KHDRBS2: variants seen among roughly 807,000 people sequenced by gnomAD.
The protein encoded by KHDRBS2 is KH domain-containing, RNA-binding, signal transduction-associated protein 2.
A neutral mutation model predicts 44.3 loss-of-function variants in KHDRBS2; 26 were observed. The observed-to-expected ratio is 0.59, with a 90% CI of 0.43 to 0.81. KHDRBS2 has a LOEUF of 0.81. Ranked by LOEUF, KHDRBS2 falls within the 40% of genes least tolerant of loss-of-function variation. The pLI is 0.00. For synonymous variants in KHDRBS2, 194 were observed against 151.1 expected, an observed-to-expected ratio of 1.28 and a Z score of -2.08; for missense variants, 476 against 433.1, an observed-to-expected ratio of 1.10 and a Z score of -0.88.
At chr6:61,793,105 G>A (rs1265593521) in intron 6 of KHDRBS2, among the ~76,000 whole-genome samples, 1 of 151,936 alleles carries the variant, frequency 6.6e-6, no homozygotes, top group Admixed American at 6.6e-5. Context: ...ATGCCTACAA[G>A]GGAACTTGCT....
At chr6:61,873,519 G>C (rs1798961449) in intron 6 of KHDRBS2, among the ~76,000 whole-genome samples, 1 of 151,752 alleles carries the variant, frequency 6.6e-6, no homozygotes, top group East Asian at 1.9e-4. Flanking sequence ...AGGTAATTTA[G>C]TATATCTGCC....
intron 8 of KHDRBS2, among the ~76,000 whole-genome samples, chr6:61,695,912 C>T (rs775987619): frequency 2.6e-5 from 4 of 152,170 alleles, no homozygotes; most frequent in Admixed American, 6.5e-5. Context: ...ACAGCAATAA[C>T]CATTGTTTCC....
At chr6:62,053,339 C>CTTGG (rs1789505271) in intron 2 of KHDRBS2, among the ~76,000 whole-genome samples, 1 of 150,688 alleles carries the variant, frequency 6.6e-6, no homozygotes, top group Non-Finnish European at 1.5e-5. Context: ...ATGCATAGAC[C>CTTGG]AAAGCCACTC....
chr6:62,165,747 T>C (rs1437277983), intron 2 of KHDRBS2, among the ~76,000 whole-genome samples: 2 of 151,898 alleles, frequency 1.3e-5, no homozygotes, highest in Non-Finnish European at 2.9e-5. Flanking sequence ...ATTACCTAGG[T>C]TGGACTTGAA....
At chr6:62,069,660 T>C (rs979970652) in intron 2 of KHDRBS2, among the ~76,000 whole-genome samples, 1 of 151,756 alleles carries the variant, frequency 6.6e-6, no homozygotes, top group Non-Finnish European at 1.5e-5. Flanking sequence ...CAAAGATGAT[T>C]AACATTATAC....
At chr6:61,594,074 A>G in the KHDRBS2 span, among the ~76,000 whole-genome samples, 1 of 152,114 alleles carries the variant, frequency 6.6e-6, no homozygotes, top group African/African-American at 2.4e-5. Flanking sequence ...AATAAGAATA[A>G]TCCCAAACAA....
intron 2 of KHDRBS2, among the ~76,000 whole-genome samples, chr6:62,085,975 G>C (rs761090271): frequency 1.3e-5 from 2 of 152,150 alleles, no homozygotes; most frequent in African/African-American, 2.4e-5. Context: ...TGGCTGAAGG[G>C]CTTCTGAAGA....
intron 2 of KHDRBS2, among the ~76,000 whole-genome samples, chr6:62,074,433 G>GT (rs1795924884): frequency 6.6e-6 from 1 of 151,680 alleles, no homozygotes; most frequent in African/African-American, 2.4e-5. Flanking sequence ...CATCTTCTTG[G>GT]TTTTGATGGC....
At chr6:61,895,100 T>C (rs1802707987) in intron 5 of KHDRBS2, among the ~76,000 whole-genome samples, 1 of 148,784 alleles carries the variant, frequency 6.7e-6, no homozygotes, top group African/African-American at 2.5e-5. Flanking sequence ...TTGTCTTTTA[T>C]ATAACTAAAA....
At chr6:61,807,466 A>G (rs1191877399) in intron 6 of KHDRBS2, among the ~76,000 whole-genome samples, 1 of 152,190 alleles carries the variant, frequency 6.6e-6, no homozygotes, top group African/African-American at 2.4e-5. Flanking sequence ...TGGTACATAT[A>G]CATCATGGAA....
rs561160298 is a variant in KHDRBS2, at chr6:62,019,933, G to A, written c.336+27945C>T. On this transcript the variant is annotated intron_variant, in intron 3 of 8. Coordinates refer to ENST00000281156, the MANE Select transcript of KHDRBS2 (RefSeq NM_152688.4). ...TTTGTATTTTATTTATGTTCAATCT[G>A]ATCTTTATTATTTCTTTTCTTTTCT... Among the ~76,000 whole-genome samples the A allele has an allele frequency of 3.3e-5, 5 of 151,280 alleles. 1 individual carries two copies. In the South Asian group the frequency reaches 1.0e-3, roughly 32 times the overall value.
the KHDRBS2 span, among the ~76,000 whole-genome samples, chr6:61,672,755 C>T: frequency 6.6e-6 from 1 of 150,942 alleles, no homozygotes; most frequent in Non-Finnish European, 1.5e-5. Context: ...AGCCCTTTGT[C>T]AGATGAGTAG....
the KHDRBS2 span, among the ~76,000 whole-genome samples, chr6:61,655,099 GC>G: frequency 6.6e-6 from 1 of 151,650 alleles, no homozygotes; most frequent in Non-Finnish European, 1.5e-5. Context: ...AGGCAAACAT[GC>G]CCAGAAACAA....
At chr6:61,820,811 TTA>T (rs1221926142) in intron 6 of KHDRBS2, among the ~76,000 whole-genome samples, 47 of 152,178 alleles carry the variant, frequency 3.1e-4, no homozygotes, top group Admixed American at 1.4e-3. Flanking sequence ...AAACTATTTA[TTA>T]GGTCTGTGGT....
At chr6:61,803,452 G>A (rs910325554) in intron 6 of KHDRBS2, among the ~76,000 whole-genome samples, 10 of 152,138 alleles carry the variant, frequency 6.6e-5, no homozygotes, top group Non-Finnish European at 1.2e-4. Context: ...ATACTTTCAA[G>A]CTTCATAATA....
chr6:61,609,305 C>A, the KHDRBS2 span, among the ~76,000 whole-genome samples: 1 of 152,144 alleles, frequency 6.6e-6, no homozygotes, highest in Non-Finnish European at 1.5e-5. Flanking sequence ...TTGCAGTGAG[C>A]CGAGATTGCG....
chr6:62,274,753 C>T (rs1159054843), intron 1 of KHDRBS2, among the ~76,000 whole-genome samples: 1 of 152,070 alleles, frequency 6.6e-6, no homozygotes, highest in Non-Finnish European at 1.5e-5. Context: ...GCATCATCTA[C>T]TTCTCTTATC....
At chr6:61,939,547 T>TA (rs5876758) in intron 4 of KHDRBS2, among the ~76,000 whole-genome samples, 46,908 of 151,770 alleles carry the variant, frequency 0.31, 8,059 homozygotes, top group East Asian at 0.47. Flanking sequence ...GAACAATGGG[T>TA]AAAAAAAACA....
chr6:62,062,369 T>C (rs903664919), intron 2 of KHDRBS2, among the ~76,000 whole-genome samples: 5 of 142,732 alleles, frequency 3.5e-5, no homozygotes, highest in African/African-American at 1.0e-4. Flanking sequence ...ATTGACCACA[T>C]ACTTGGAAGT....
Sources: allele counts gnomAD v4.1 joint callset (sites outside exome capture counted in the v4.1 genomes callset), GRCh38; gene constraint gnomAD v4.1.1; transcripts MANE v1.5; gene names NCBI Gene and HGNC (gene_info 2026-07-23, HGNC 2026-07-21).